Variants in COL8A1 observed in about 807,000 individuals in gnomAD.
COL8A1 encodes the protein collagen alpha-1(VIII) chain.
In COL8A1, 21 loss-of-function variants were observed where a neutral mutation model predicts 42.7. That is an observed-to-expected ratio of 0.49 (90% CI 0.35 to 0.71). The LOEUF is 0.71. Ranked by LOEUF, COL8A1 falls within the 30% of genes least tolerant of loss-of-function variation. The pLI is 0.01. For missense variants in COL8A1, 788 were observed against 962.4 expected, an observed-to-expected ratio of 0.82 and a Z score of 2.40; for synonymous variants, 367 against 369.1, an observed-to-expected ratio of 0.99 and a Z score of 0.06.
At chr3:99,700,980 C>T (rs759792576) in intron 1 of COL8A1, among the ~76,000 whole-genome samples, 2 of 152,138 alleles carry the variant, frequency 1.3e-5, no homozygotes, top group Non-Finnish European at 2.9e-5. Context: ...CCCGTAGCTT[C>T]GTGATTTTGC....
intron 1 of COL8A1, among the ~76,000 whole-genome samples, chr3:99,694,819 A>C (rs1387000253): frequency 6.6e-6 from 1 of 152,190 alleles, no homozygotes; most frequent in African/African-American, 2.4e-5. Flanking sequence ...AGTTTAGCCA[A>C]ATAATAAAAA....
chr3:99,648,531 A>G (rs1386797522), intron 1 of COL8A1, among the ~76,000 whole-genome samples: 1 of 152,140 alleles, frequency 6.6e-6, no homozygotes, highest in East Asian at 1.9e-4. Flanking sequence ...GTAATTAGAA[A>G]AGAAAAAACA....
intron 1 of COL8A1, among the ~76,000 whole-genome samples, chr3:99,734,628 T>A (rs1188015451): frequency 6.6e-6 from 1 of 152,088 alleles, no homozygotes; most frequent in African/African-American, 2.4e-5. Context: ...GACTTGGCGA[T>A]GCGGGCTTTT....
At chr3:99,750,734 T>A (rs139466806) in intron 2 of COL8A1, among the ~76,000 whole-genome samples, 18 of 152,330 alleles carry the variant, frequency 1.2e-4, no homozygotes, top group African/African-American at 4.3e-4. Context: ...AAAAATTGGA[T>A]TGAATTTTCA....
chr3:99,713,213 C>G (rs1305076417), intron 1 of COL8A1, among the ~76,000 whole-genome samples: 2 of 152,048 alleles, frequency 1.3e-5, no homozygotes, highest in Admixed American at 6.6e-5. Flanking sequence ...ATTCAAGTAA[C>G]TTGCCCAAGT....
chr3:99,788,091 G>A (rs933647308), intron 2 of COL8A1, among the ~76,000 whole-genome samples: 1 of 152,108 alleles, frequency 6.6e-6, no homozygotes, highest in Non-Finnish European at 1.5e-5. Context: ...TGAGTGATTT[G>A]GGAGAACCCC....
chr3:99,763,412 G>A (rs1941400730), intron 2 of COL8A1, among the ~76,000 whole-genome samples: 1 of 152,088 alleles, frequency 6.6e-6, no homozygotes, highest in Non-Finnish European at 1.5e-5. Context: ...CCTCCTGCCT[G>A]TCTAAACCTC....
chr3:99,676,001 A>C (rs1262421363), intron 1 of COL8A1, among the ~76,000 whole-genome samples: 1 of 152,134 alleles, frequency 6.6e-6, no homozygotes, highest in African/African-American at 2.4e-5. Flanking sequence ...TTATCATTGC[A>C]TACAGGAATA....
At chr3:99,769,753 T>C (rs13077478) in intron 2 of COL8A1, among the ~76,000 whole-genome samples, 11,814 of 152,184 alleles carry the variant, frequency 0.078, 571 homozygotes, top group Middle Eastern at 0.11. Flanking sequence ...ACCGTGTCTC[T>C]ATTAAAAATA....
At chr3:99,734,650 T>C (rs926436117) in intron 1 of COL8A1, among the ~76,000 whole-genome samples, 32 of 152,078 alleles carry the variant, frequency 2.1e-4, no homozygotes, top group Admixed American at 7.9e-4. Context: ...TTTGGTTCCA[T>C]ATGAACTTTA....
At chr3:99,750,049 C>CTTTTTTTTTTTTTTTTTTTTTTTTTATTT (rs1176042144) in intron 2 of COL8A1, among the ~76,000 whole-genome samples, 1 of 65,962 alleles carries the variant, frequency 1.5e-5, no homozygotes, top group Non-Finnish European at 2.6e-5. Flanking sequence ...TTTTTTTCTT[C>CTTTTTTTTTTTTTTTTTTTTTTTTTATTT]TTTTTTTTTT....
chr3:99,791,376 A>G lies in COL8A1; in HGVS notation c.328+366A>G, dbSNP rs556314566. ...GGGAGCTAAAGCAGTGAAAAAAAAG[A>G]AAGGTGACAAGTCAGTCTTCTGAAC... is the stretch of plus-strand genomic sequence containing the variant. On this transcript the variant is annotated intron_variant, in intron 3 of 3. Transcript: ENST00000652472. Among the ~76,000 whole-genome samples, 3 of 152,330 alleles carry G rather than the reference A, an allele frequency of 2.0e-5. No individual in the cohort carries two copies. In the East Asian group the frequency reaches 5.8e-4, roughly 29 times the overall value.
At chr3:99,716,789 C>G (rs1940010505) in intron 1 of COL8A1, among the ~76,000 whole-genome samples, 1 of 152,016 alleles carries the variant, frequency 6.6e-6, no homozygotes, top group African/African-American at 2.4e-5. Context: ...TTGCTGTTTG[C>G]TCCTTTTTTG....
intron 1 of COL8A1, among the ~76,000 whole-genome samples, chr3:99,682,433 G>A (rs926757334): frequency 6.6e-6 from 1 of 151,872 alleles, no homozygotes; most frequent in African/African-American, 2.4e-5. Context: ...TAATAATAAT[G>A]ATAATAATTA....
chr3:99,736,458 C>T (rs1023727566), intron 1 of COL8A1, among the ~76,000 whole-genome samples: 17 of 151,944 alleles, frequency 1.1e-4, no homozygotes, highest in East Asian at 3.9e-4. Flanking sequence ...TGTATACATG[C>T]GCCATATTTC....
chr3:99,693,274 G>A (rs1385104696), intron 1 of COL8A1, among the ~76,000 whole-genome samples: 7 of 152,230 alleles, frequency 4.6e-5, no homozygotes. Flanking sequence ...CTATGCTATT[G>A]CTTATGTATT....
intron 1 of COL8A1, among the ~76,000 whole-genome samples, chr3:99,676,199 C>A (rs1021525083): frequency 6.6e-6 from 1 of 152,022 alleles, no homozygotes; most frequent in African/African-American, 2.4e-5. Context: ...AACCTTCTTA[C>A]AAAGAAAACT....
Position 99,651,296 on chromosome 3 carries a change from C to G in COL8A1, c.-129+12632C>G, listed in dbSNP as rs772196644. Among the ~76,000 whole-genome samples, 8 of 152,234 alleles carry G rather than the reference C, an allele frequency of 5.3e-5. No individual in the cohort carries two copies. In the East Asian group the frequency reaches 9.6e-4, roughly 18 times the overall value. ...TTCAATATGACCATTTCTACAGAGACAGACTATACCTGGGTATCGGAAACA... is the reference window on the plus strand; with the variant it reads ...TTCAATATGACCATTTCTACAGAGAGAGACTATACCTGGGTATCGGAAACA... On this transcript the variant is annotated intron_variant, in intron 1 of 3. Transcript: ENST00000652472.
At chr3:99,734,127 T>C (rs1940620970) in intron 1 of COL8A1, among the ~76,000 whole-genome samples, 1 of 151,812 alleles carries the variant, frequency 6.6e-6, no homozygotes, top group African/African-American at 2.4e-5. Context: ...GTAGTTTCTT[T>C]TGCTGTGCAG....
Sources: allele counts gnomAD v4.1 joint callset (sites outside exome capture counted in the v4.1 genomes callset), GRCh38; gene constraint gnomAD v4.1.1; transcripts MANE v1.5; gene names NCBI Gene and HGNC (gene_info 2026-07-23, HGNC 2026-07-21).